KCNH1: variants seen among roughly 807,000 people sequenced by gnomAD.
KCNH1 encodes potassium voltage-gated channel subfamily H member 1, also known as voltage-gated delayed rectifier potassium channel KCNH1.
KCNH1 carries 27 observed loss-of-function variants against 69.2 expected under a neutral mutation model. That is an observed-to-expected ratio of 0.39 (90% CI 0.29 to 0.54). KCNH1 has a LOEUF of 0.54. Ranked by LOEUF, KCNH1 falls within the 20% of genes least tolerant of loss-of-function variation. KCNH1 has a pLI of 0.68. For synonymous variants in KCNH1, 456 were observed against 487.7 expected, an observed-to-expected ratio of 0.93 and a Z score of 0.86; for missense variants, 798 against 1,261.6, an observed-to-expected ratio of 0.63 and a Z score of 5.57.
chr1:210,977,803 A>G (rs1005208193), intron 6 of KCNH1, among the ~76,000 whole-genome samples: 5 of 152,202 alleles, frequency 3.3e-5, no homozygotes, highest in Admixed American at 3.3e-4. Context: ...ACAATCATAC[A>G]TATTTACAGG....
chr1:210,844,698 G>A (rs923223822), intron 7 of KCNH1, among the ~76,000 whole-genome samples: 7 of 152,108 alleles, frequency 4.6e-5, no homozygotes, highest in Non-Finnish European at 7.3e-5. Flanking sequence ...ACATTCAAAC[G>A]CTAGCAGAAG....
chr1:211,046,915 G>A (rs1036887878), intron 5 of KCNH1, among the ~76,000 whole-genome samples: 1 of 151,838 alleles, frequency 6.6e-6, no homozygotes, highest in Admixed American at 6.6e-5. Context: ...CTAACCAATG[G>A]AAATAAAATG....
intron 6 of KCNH1, among the ~76,000 whole-genome samples, chr1:210,945,858 G>A (rs947124732): frequency 3.9e-5 from 6 of 152,072 alleles, no homozygotes; most frequent in Admixed American, 2.0e-4. Flanking sequence ...TCCCTCACAC[G>A]CTTAAAATCG....
chr1:211,062,768 C>CAAAT (rs1690452709), intron 5 of KCNH1, among the ~76,000 whole-genome samples: 3 of 151,994 alleles, frequency 2.0e-5, no homozygotes, highest in Admixed American at 2.0e-4. Context: ...ATCATGTAAC[C>CAAAT]CCAGTTAAAA....
At chr1:211,021,219 G>T (rs1689581695) in intron 5 of KCNH1, among the ~76,000 whole-genome samples, 1 of 152,056 alleles carries the variant, frequency 6.6e-6, no homozygotes. Context: ...TACTGCTTGG[G>T]TGATGAGTGT....
chr1:210,868,216 T>G (rs893398352), intron 7 of KCNH1, among the ~76,000 whole-genome samples: 4 of 152,082 alleles, frequency 2.6e-5, no homozygotes, highest in Admixed American at 6.6e-5. Flanking sequence ...AAATGGAACA[T>G]CTTTTCATGT....
chr1:211,002,247 C>T (rs774201584), intron 6 of KCNH1, among the ~76,000 whole-genome samples: 12 of 145,630 alleles, frequency 8.2e-5, no homozygotes, highest in South Asian at 2.2e-4. Flanking sequence ...TATATGTATA[C>T]GTATATATAT....
intron 6 of KCNH1, among the ~76,000 whole-genome samples, chr1:211,002,541 T>C (rs563643704): frequency 1.3e-5 from 2 of 152,112 alleles, no homozygotes; most frequent in South Asian, 4.2e-4. Context: ...TATGGAGTTA[T>C]TGAATGTAGA....
intron 6 of KCNH1, among the ~76,000 whole-genome samples, chr1:210,959,467 T>C (rs895440735): frequency 6.6e-6 from 1 of 152,188 alleles, no homozygotes; most frequent in Non-Finnish European, 1.5e-5. Context: ...CAGACATAGA[T>C]GTTTAAGTCT....
intron 6 of KCNH1, among the ~76,000 whole-genome samples, chr1:210,982,228 T>C (rs1688725033): frequency 6.6e-6 from 1 of 150,914 alleles, no homozygotes; most frequent in African/African-American, 2.5e-5. Context: ...ACTTTTATTA[T>C]TATTATTATT....
chr1:210,892,522 G>T (rs1265895361), intron 7 of KCNH1, among the ~76,000 whole-genome samples: 2 of 152,008 alleles, frequency 1.3e-5, no homozygotes, highest in Non-Finnish European at 2.9e-5. Context: ...CCCAGCATGG[G>T]TCACACCATA....
intron 1 of KCNH1, among the ~76,000 whole-genome samples, chr1:211,131,992 C>G (rs2102506807): frequency 6.6e-6 from 1 of 152,230 alleles, no homozygotes; most frequent in South Asian, 2.1e-4. Flanking sequence ...CTAAAATAGA[C>G]AGTATTCTGC....
At chr1:210,845,133 G>A (rs1020008664) in intron 7 of KCNH1, among the ~76,000 whole-genome samples, 27 of 152,072 alleles carry the variant, frequency 1.8e-4, no homozygotes, top group South Asian at 4.2e-4. Context: ...ATTCACAGCC[G>A]AATTCTACCT....
intron 9 of KCNH1, among the ~76,000 whole-genome samples, chr1:210,788,947 C>T (rs1357657302): frequency 4.0e-5 from 6 of 148,916 alleles, no homozygotes; most frequent in South Asian, 4.2e-4. Context: ...CCGCCCGCCT[C>T]GGCCTCCCAA....
intron 6 of KCNH1, among the ~76,000 whole-genome samples, chr1:210,967,422 T>A (rs960335811): frequency 1.3e-5 from 2 of 152,134 alleles, no homozygotes; most frequent in South Asian, 2.1e-4. Context: ...AGTTTTGCCT[T>A]TCACACTTAA....
intron 9 of KCNH1, among the ~76,000 whole-genome samples, chr1:210,794,793 A>T (rs529005361): frequency 6.6e-6 from 1 of 152,358 alleles, no homozygotes; most frequent in Admixed American, 6.5e-5. Context: ...ATCCAAATTT[A>T]AAGGATTGTT....
intron 2 of KCNH1, among the ~76,000 whole-genome samples, chr1:211,104,068 AG>A (rs1691310857): frequency 6.6e-6 from 1 of 152,260 alleles, no homozygotes; most frequent in Non-Finnish European, 1.5e-5. Flanking sequence ...CAGAGGTGAC[AG>A]TCAGATTAAT....
intron 6 of KCNH1, among the ~76,000 whole-genome samples, chr1:210,953,398 C>T (rs186132472): frequency 1.3e-5 from 2 of 152,228 alleles, no homozygotes; most frequent in Admixed American, 6.5e-5. Context: ...TTAGATATAC[C>T]AAAAGAAGCT....
chr1:210,701,760 T>C (rs1401144406), intron 10 of KCNH1, among the ~76,000 whole-genome samples: 1 of 152,192 alleles, frequency 6.6e-6, no homozygotes, highest in African/African-American at 2.4e-5. Context: ...GTTCCATTTT[T>C]TTCCCCCAGA....
Sources: gnomAD v4.1 joint callset for allele counts (sites outside exome capture counted in the v4.1 genomes callset) on GRCh38, gnomAD v4.1.1 for gene constraint, MANE v1.5 for transcripts, NCBI Gene and HGNC (gene_info 2026-07-23, HGNC 2026-07-21) for gene names.